ARHGAP6: variants seen among roughly 807,000 people sequenced by gnomAD.
ARHGAP6 encodes Rho GTPase activating protein 6, also known as rho GTPase-activating protein 6.
A neutral mutation model predicts 55.7 loss-of-function variants in ARHGAP6; 16 were observed. That is an observed-to-expected ratio of 0.29 (90% CI 0.19 to 0.44). The LOEUF is 0.44. ARHGAP6 is among the 20% of genes least tolerant of loss of function. The pLI is 1.00. For missense variants in ARHGAP6, 698 were observed against 808.9 expected (o/e 0.86, Z 1.66); for synonymous variants, 382 against 360.9 (o/e 1.06, Z -0.66).
intron 2 of ARHGAP6, among the ~76,000 whole-genome samples, 197 bp from the exon 3 acceptor site, chrX:11,197,193 T>C (rs1291970764): frequency 3.6e-5 from 4 of 112,037 alleles, no homozygotes; most frequent in Admixed American, 1.9e-4. Context: ...TTGGTGTATA[T>C]TCTTGAATTT....
At chrX:11,605,134 C>T (rs1025048995) in intron 1 of ARHGAP6, among the ~76,000 whole-genome samples, 1 of 111,640 alleles carries the variant, frequency 9.0e-6, no homozygotes, top group African/African-American at 3.3e-5. Context: ...TGATTGTGCA[C>T]AAGGGACAGG....
intron 10 of ARHGAP6, among the ~76,000 whole-genome samples, chrX:11,154,418 G>C (rs2045835464): frequency 8.9e-6 from 1 of 112,484 alleles, no homozygotes; most frequent in Admixed American, 9.4e-5. Context: ...TAATAGAAGA[G>C]AAAGAAAGGT....
Position 11,502,957 on chromosome X carries a change from G to A in ARHGAP6, c.588+161284C>T, listed in dbSNP as rs187459114. On this transcript the variant is annotated intron_variant, in intron 1 of 12. Coordinates refer to ENST00000337414, the MANE Select transcript of ARHGAP6 (RefSeq NM_013427.3). The stretch of plus-strand genomic sequence containing the variant: ...GTCACCCAGGCTGGAGTGCAGTGAC[G>A]CAGTCTTGACTCACTGCAACCTTCA... 3.7e-4 allele frequency among the ~76,000 whole-genome samples: 41 copies of A among 110,175 alleles called. No homozygotes were observed. In the East Asian group the frequency reaches 0.01, roughly 28 times the overall value.
At chrX:11,304,513 C>A (rs2048212430) in intron 1 of ARHGAP6, among the ~76,000 whole-genome samples, 2 of 110,856 alleles carry the variant, frequency 1.8e-5, no homozygotes, top group Admixed American at 1.9e-4. Context: ...CTGTTCTTTG[C>A]TGCCTCCAAG....
At chrX:11,238,588 G>T (rs771022070) in intron 2 of ARHGAP6, among the ~76,000 whole-genome samples, 1 of 112,409 alleles carries the variant, frequency 8.9e-6, no homozygotes, top group Non-Finnish European at 1.9e-5. Flanking sequence ...AATTCAGGAA[G>T]ATATCATAGG....
At chrX:11,266,018 T>C in intron 1 of ARHGAP6, 1 of 771,423 alleles carries the variant, frequency 1.3e-6, no homozygotes, top group Non-Finnish European at 1.6e-6. Context: ...TGCGTGTGTT[T>C]GTATGCGTGT....
intron 1 of ARHGAP6, among the ~76,000 whole-genome samples, chrX:11,295,522 C>A (rs1332864436): frequency 9.0e-6 from 1 of 111,452 alleles, no homozygotes; most frequent in Non-Finnish European, 1.9e-5. Flanking sequence ...GGGCAGAGAA[C>A]TTAGATCACA....
In ARHGAP6 at chrX:11,138,858, C is replaced by T. The variant is rs1394601448; in HGVS notation, c.*5G>A. 21 of 1,172,996 alleles carry T rather than the reference C, an allele frequency of 1.8e-5. No individual in the cohort carries two copies. Among genetic ancestry groups the T allele is most frequent in the Admixed American group, 1.2e-4 (5 of 42,495 alleles). Reference sequence around the variant, plus strand: ...GGGGCAGGGGGGGCTCGGCTGGGTGCGGGCTCAGACCAGCGTCTCGGGCAG... The same window carrying T: ...GGGGCAGGGGGGGCTCGGCTGGGTGTGGGCTCAGACCAGCGTCTCGGGCAG... On this transcript the variant is annotated 3_prime_UTR_variant, in exon 13 of 13. Coordinates refer to ENST00000337414, the MANE Select transcript of ARHGAP6 (RefSeq NM_013427.3).
chrX:11,354,323 C>CTATATA (rs1555997400), intron 1 of ARHGAP6, among the ~76,000 whole-genome samples: 84 of 57,077 alleles, frequency 1.5e-3, no homozygotes, highest in African/African-American at 2.3e-3. Context: ...CTCTCTCTCT[C>CTATATA]TCTCTATATA....
intron 1 of ARHGAP6, among the ~76,000 whole-genome samples, chrX:11,538,464 C>T (rs1408940583): frequency 9.0e-6 from 1 of 111,463 alleles, no homozygotes; most frequent in Non-Finnish European, 1.9e-5. Context: ...GAGTAACTAA[C>T]ACAAGCTGTA....
At chrX:11,499,783 TG>T (rs974259849) in intron 1 of ARHGAP6, among the ~76,000 whole-genome samples, 2 of 111,685 alleles carry the variant, frequency 1.8e-5, no homozygotes, top group African/African-American at 6.5e-5. Flanking sequence ...TGGATGCAAA[TG>T]GGAAGAGGAA....
chrX:11,234,691 C>T (rs966999921), intron 2 of ARHGAP6, among the ~76,000 whole-genome samples: 15 of 112,427 alleles, frequency 1.3e-4, no homozygotes, highest in African/African-American at 4.2e-4. Flanking sequence ...CAGTTGCACT[C>T]CTTGGTAACT....
chrX:11,471,329 T>A (rs1441783387), intron 1 of ARHGAP6, among the ~76,000 whole-genome samples: 3 of 112,304 alleles, frequency 2.7e-5, no homozygotes, highest in Non-Finnish European at 5.6e-5. Context: ...AACAGTATTC[T>A]TCTTAAAAAA....
intron 1 of ARHGAP6, among the ~76,000 whole-genome samples, chrX:11,283,360 G>T (rs2047882837): frequency 8.9e-6 from 1 of 111,901 alleles, no homozygotes; most frequent in South Asian, 3.7e-4. Context: ...GGAGGATTTT[G>T]CAGGAAGATT....
chrX:11,287,307 T>A (rs1362309160), intron 1 of ARHGAP6, among the ~76,000 whole-genome samples: 1 of 111,974 alleles, frequency 8.9e-6, no homozygotes, highest in Non-Finnish European at 1.9e-5. Context: ...TGTTATCATT[T>A]GATCTGGGGC....
At chrX:11,492,896 T>C (rs1434405151) in intron 1 of ARHGAP6, among the ~76,000 whole-genome samples, 1 of 112,056 alleles carries the variant, frequency 8.9e-6, no homozygotes, top group African/African-American at 3.2e-5. Context: ...GCCTTGTCTC[T>C]TAAGTCAAGG....
Position 11,144,064 on chromosome X carries a change from T to G in ARHGAP6, c.2092A>C (p.Arg698=), listed in dbSNP as rs757480313. Residue 698 remains arginine, a synonymous_variant, in exon 11 of 13, where the codon AGA becomes CGA. Transcript: ENST00000337414. ...AAPGGSEKLY[R]VPGQFMLVGH... Reference sequence around the variant, plus strand: ...ACCAGCATAAACTGCCCTGGCACTCTGTAAAGCTTCTCCGAGCCCCCCGGG... The same window carrying G: ...ACCAGCATAAACTGCCCTGGCACTCGGTAAAGCTTCTCCGAGCCCCCCGGG... The G allele has an allele frequency of 3.3e-6, 4 of 1,211,373 alleles. No homozygotes were observed. In the East Asian group the frequency reaches 1.2e-4, roughly 36 times the overall value.
chrX:11,548,248 C>T lies in ARHGAP6; in HGVS notation c.588+115993G>A, dbSNP rs1044085842. ...CATATCTCCTGCCTCAAACATTTAT[C>T]GTTTGTGTTGTGAACATTCAAAATC... On this transcript the variant is annotated intron_variant, in intron 1 of 12. Coordinates refer to ENST00000337414, the MANE Select transcript of ARHGAP6 (RefSeq NM_013427.3). Among the ~76,000 whole-genome samples the T allele has an allele frequency of 2.7e-4, 30 of 112,132 alleles. 1 individual carries two copies. Among genetic ancestry groups the T allele is most frequent in the African/African-American group, 9.1e-4 (28 of 30,874 alleles).
intron 1 of ARHGAP6, among the ~76,000 whole-genome samples, chrX:11,292,411 G>A (rs1018930192): frequency 7.2e-5 from 8 of 111,795 alleles, no homozygotes; most frequent in Admixed American, 2.9e-4. Flanking sequence ...GATGATCAGA[G>A]GTTCTTTTAG....
Sources: allele counts gnomAD v4.1 joint callset (sites outside exome capture counted in the v4.1 genomes callset), GRCh38; gene constraint gnomAD v4.1.1; transcripts MANE v1.5; gene names NCBI Gene and HGNC (gene_info 2026-07-23, HGNC 2026-07-21).